GTF3C1: variants seen among roughly 807,000 people sequenced by gnomAD.
GTF3C1 encodes the protein general transcription factor 3C polypeptide 1.
In GTF3C1, 57 loss-of-function variants were observed where a neutral mutation model predicts 226.7. The ratio of observed to expected loss-of-function variants is 0.25; its 90% CI spans 0.20 to 0.31. GTF3C1 has a LOEUF of 0.31. Among genes scored for constraint, GTF3C1 ranks in the 10% least tolerant of loss-of-function variants. The pLI, the probability that GTF3C1 is intolerant of heterozygous loss-of-function variation, is 1.00. For synonymous variants in GTF3C1, 1,090 were observed against 1,084.8 expected (o/e 1.00, Z -0.09); for missense variants, 2,217 against 2,776.1 (o/e 0.80, Z 4.53).
chr16:27,522,113 TTTA>T (rs766101605), intron 6 of GTF3C1, among the ~76,000 whole-genome samples: 50 of 152,260 alleles, frequency 3.3e-4, no homozygotes, highest in Admixed American at 1.4e-3. Flanking sequence ...TTTTAATAGC[TTTA>T]TTGAGATATA....
Position 27,464,448 on chromosome 16 carries a change from G to C in GTF3C1, c.5744C>G (p.Ala1915Gly), listed in dbSNP as rs2087752170. 8 of 1,600,208 alleles carry C rather than the reference G, an allele frequency of 5.0e-6. No homozygotes were observed. Among genetic ancestry groups the C allele is most frequent in the Non-Finnish European group, 6.8e-6 (8 of 1,173,748 alleles). Reference protein sequence around the residue: ...AEAQAPSPPPALEDTAAAGAA... With the variant: ...AEAQAPSPPPGLEDTAAAGAA... Reference sequence around the variant, plus strand: ...TCCCGCTGCAGCGGTGTCTTCAAGAGCTGGGGGTGGAGATGGGGCCTGGGC... The same window carrying C: ...TCCCGCTGCAGCGGTGTCTTCAAGACCTGGGGGTGGAGATGGGGCCTGGGC... The change falls in exon 34 of 37, where the codon GCT becomes GGT. Residue 1915 changes from alanine to glycine, a missense_variant. This residue lies in a region of GTF3C1 where 455 missense variants were observed against 441.9 expected (regional missense o/e 1.03). Coordinates refer to ENST00000356183, the MANE Select transcript of GTF3C1 (RefSeq NM_001520.4).
chr16:27,489,236 G>T lies in GTF3C1; in HGVS notation c.3294-58C>A. The T allele has an allele frequency of 3.2e-6, 5 of 1,585,338 alleles. No individual in the cohort carries two copies. The South Asian group carries it at 5.5e-5, about 18-fold the overall frequency. ...TTCTTGGTCATCACCGAAAAAGAGAGCCCATGGCATGGGTTGAGGGACATT... is the reference window on the plus strand; with the variant it reads ...TTCTTGGTCATCACCGAAAAAGAGATCCCATGGCATGGGTTGAGGGACATT... On this transcript the variant is annotated intron_variant, in intron 20 of 36. Transcript: ENST00000356183.
Position 27,465,500 on chromosome 16 carries a change from G to A in GTF3C1, c.5115C>T (p.Leu1705=), listed in dbSNP as rs766780120. The change falls in exon 33 of 37, where the codon CTC becomes CTT. Residue 1705 remains leucine, a synonymous_variant. Coordinates refer to ENST00000356183, the MANE Select transcript of GTF3C1 (RefSeq NM_001520.4). ...LEELTMGTSC[L]PDTFTKLINP... is the part of the protein sequence containing the mutation. ...TTATCAGCTTGGTGAACGTATCAGG[G>A]AGGCAGGAGGTTCCCATTGTTAGCT... 6.2e-7 allele frequency: 1 copy of A among 1,603,224 alleles called. No individual in the cohort carries two copies. Among genetic ancestry groups the A allele is most frequent in the Non-Finnish European group, 8.5e-7 (1 of 1,179,686 alleles).
chr16:27,493,261 C>T lies in GTF3C1; in HGVS notation c.2814G>A (p.Leu938=). ...DNLEEFLNDP[L]KKHTLIRFLP... ...GAAAGCGGATCAGCGTGTGCTTCTT[C>T]AGCGGGTCGTTCAGAAATTCCTCCA... The change falls in exon 17 of 37, where the codon CTG becomes CTA. Residue 938 remains leucine (L), a synonymous_variant. Coordinates refer to ENST00000356183, the MANE Select transcript of GTF3C1 (RefSeq NM_001520.4). 6.2e-7 allele frequency: 1 copy of T among 1,611,750 alleles called. No individual in the cohort carries two copies. The highest frequency in any genetic ancestry group is 1.1e-5 in the South Asian group (1 of 91,024).
At chr16:27,539,795 A>G (rs9933281) in intron 2 of GTF3C1, among the ~76,000 whole-genome samples, 127,317 of 152,232 alleles carry the variant, frequency 0.84, 53,393 homozygotes, top group East Asian at 1. Context: ...TAGTTATCTC[A>G]GGAGTGGGAC....
In GTF3C1 at chr16:27,469,039, G is replaced by A. The variant is rs2087825659; in HGVS notation, c.5074+252C>T. Among the ~76,000 whole-genome samples, 1 of 152,226 alleles carries A rather than the reference G, an allele frequency of 6.6e-6. No homozygotes were observed. The highest frequency in any genetic ancestry group is 2.4e-5 in the African/African-American group (1 of 41,472). ...TTGTGAGCCCACCTGAGTGACTGCT[G>A]GTGCCTGCAGCACAGCTGTGACTAA... On this transcript the variant is annotated intron_variant, in intron 32 of 36. Coordinates refer to ENST00000356183, the MANE Select transcript of GTF3C1 (RefSeq NM_001520.4). The surrounding 1 kb of genome is among the most constrained non-coding windows in gnomAD (Gnocchi z 4.5).
intron 2 of GTF3C1, among the ~76,000 whole-genome samples, chr16:27,543,044 T>C (rs2089111584): frequency 6.6e-6 from 1 of 152,120 alleles, no homozygotes; most frequent in African/African-American, 2.4e-5. Flanking sequence ...CATATGCCGC[T>C]TGGGAGAGAG....
At chr16:27,475,965 C>T (rs2087945035) in intron 29 of GTF3C1, among the ~76,000 whole-genome samples, 1 of 152,138 alleles carries the variant, frequency 6.6e-6, no homozygotes, top group Non-Finnish European at 1.5e-5. Context: ...TTGTGGAGGT[C>T]ACTAGATCCC....
In GTF3C1 at chr16:27,483,085, C is replaced by T. The variant is rs138892917; in HGVS notation, c.4042G>A (p.Gly1348Arg). 35 of 1,614,098 alleles carry T rather than the reference C, an allele frequency of 2.2e-5. No individual in the cohort carries two copies. Among genetic ancestry groups the T allele is most frequent in the Non-Finnish European group, 2.8e-5 (33 of 1,180,048 alleles). The change falls in exon 26 of 37, where the codon GGA becomes AGA. Residue 1348 changes from glycine to arginine, a missense_variant. Physicochemically the swap from Gly to Arg is moderately radical, Grantham distance 125. Around this residue, in one of 12 missense-constraint regions of GTF3C1, gnomAD observed 546 missense variants for 663.0 expected, o/e 0.82. Coordinates refer to ENST00000356183, the MANE Select transcript of GTF3C1 (RefSeq NM_001520.4). ...TCACCTCTTCGATTCATGAAATCTC[C>T]AACAAGTGCTTTATCCTGGTACACC... ...AEVYQDKALV[G>R]DFMNRRGDYD...
At chr16:27,480,384 T>C (rs1395000004) in intron 27 of GTF3C1, among the ~76,000 whole-genome samples, 2 of 152,146 alleles carry the variant, frequency 1.3e-5, no homozygotes, top group Non-Finnish European at 1.5e-5. Context: ...ATATCAACTC[T>C]GAAAACGAGT....
At chr16:27,528,193 T>C (rs1567411152) in intron 6 of GTF3C1, among the ~76,000 whole-genome samples, 1 of 152,116 alleles carries the variant, frequency 6.6e-6, no homozygotes, top group Non-Finnish European at 1.5e-5. Flanking sequence ...GAGAATTGCT[T>C]GAACCCGAAA....
At chr16:27,503,717 T>A (rs774391796) in intron 10 of GTF3C1, among the ~76,000 whole-genome samples, 5 of 152,248 alleles carry the variant, frequency 3.3e-5, no homozygotes, top group Non-Finnish European at 7.3e-5. Flanking sequence ...TGGATCAAAA[T>A]GTGAAAGCCC....
chr16:27,492,200 G>A lies in GTF3C1; in HGVS notation c.3151+138C>T. On this transcript the variant is annotated intron_variant, in intron 19 of 36. Transcript: ENST00000356183. The surrounding 1 kb of genome is among the most constrained non-coding windows in gnomAD (Gnocchi z 5.0). ...CTTTCCTTTCCAAGGGAGCCCCAGG[G>A]GTGCTCTGGGCCTCTGGGGAGCACT... 1.7e-6 allele frequency: 1 copy of A among 603,714 alleles called. No homozygotes were observed. The highest frequency in any genetic ancestry group is 2.9e-6 in the Non-Finnish European group (1 of 340,542). 37.4% of individuals were successfully genotyped at this position (603,714 alleles called of 1,614,324 possible).
Position 27,464,796 on chromosome 16 carries a change from T to C in GTF3C1, c.5396A>G (p.Asn1799Ser). The change falls in exon 34 of 37, where the codon AAC becomes AGC. Residue 1799 changes from asparagine to serine, a missense_variant. Asn to Ser is a conservative substitution (Grantham distance 46, BLOSUM62 1). Coordinates refer to ENST00000356183, the MANE Select transcript of GTF3C1 (RefSeq NM_001520.4). ...EQHQVLEVGG[N>S]TARLVAMGSA... Reference sequence around the variant, plus strand: ...GCCCATGGCTACCAGGCGCGCAGTGTTGCCACCGACCTCCAGCACCTGATG... The same window carrying C: ...GCCCATGGCTACCAGGCGCGCAGTGCTGCCACCGACCTCCAGCACCTGATG... 6.5e-7 allele frequency: 1 copy of C among 1,530,892 alleles called. No individual in the cohort carries two copies. The highest frequency in any genetic ancestry group is 8.7e-7 in the Non-Finnish European group (1 of 1,150,596). The allele number at this position is 1,530,892 out of a possible 1,614,324, so 94.8% of individuals were successfully genotyped here.
rs1162033991 is a variant in GTF3C1 at position 27,529,136 on chromosome 16, GA to G, written c.850-416del. ...CATGGGCAGGAGAGAAAAAAAAGGG[GA>G]AAAAATAGGTTAAAAAATTTTACAG... On this transcript the variant is annotated intron_variant, in intron 5 of 36. Coordinates refer to ENST00000356183, the MANE Select transcript of GTF3C1 (RefSeq NM_001520.4). Among the ~76,000 whole-genome samples, 15 of 152,220 alleles carry G rather than the reference GA, an allele frequency of 9.9e-5. No individual in the cohort carries two copies. The South Asian group carries it at 1.5e-3, about 15-fold the overall frequency.
chr16:27,461,498 A>G lies in GTF3C1; in HGVS notation c.6182T>C (p.Phe2061Ser), dbSNP rs781337887. Reference sequence around the variant, plus strand: ...CACCTCTTCCACCACGGGTGTAGAGAAGAGCGAGACAGGCCTTGGCTTTCT... The same window carrying G: ...CACCTCTTCCACCACGGGTGTAGAGGAGAGCGAGACAGGCCTTGGCTTTCT... The part of the protein sequence containing the change: ...WLRKPRPVSL[F>S]STPVVEEVEV... The change falls in exon 37 of 37, where the codon TTC (phenylalanine) becomes TCC (serine). Residue 2061 changes from phenylalanine (F) to serine (S), a missense_variant. Transcript: ENST00000356183. The surrounding 1 kb of genome is among the most constrained non-coding windows in gnomAD (Gnocchi z 5.3). 1.2e-6 allele frequency: 2 copies of G among 1,613,982 alleles called. No individual in the cohort carries two copies. Among genetic ancestry groups the G allele is most frequent in the South Asian group, 1.1e-5 (1 of 91,078 alleles).
At chr16:27,514,200 AGGCAATCTAAGGCCCC>A (rs2088619653) in intron 6 of GTF3C1, among the ~76,000 whole-genome samples, 1 of 152,146 alleles carries the variant, frequency 6.6e-6, no homozygotes, top group African/African-American at 2.4e-5. Flanking sequence ...TTTTCATTAG[AGGCAATCTAAGGCCCC>A]GGCGCAAGCC....
rs532019174 is a variant in GTF3C1 at position 27,530,525 on chromosome 16, T to C, written c.850-1804A>G. 1.1e-4 allele frequency among the ~76,000 whole-genome samples: 16 copies of C among 152,250 alleles called. No homozygotes were observed. The South Asian group carries it at 3.3e-3, about 32-fold the overall frequency. On this transcript the variant is annotated intron_variant, in intron 5 of 36. Transcript: ENST00000356183. Reference sequence around the variant, plus strand: ...AAATCCCCCCAAAAGGCAGCATCCATATTCATGGCCTCAGCTTCATCTATA... The same window carrying C: ...AAATCCCCCCAAAAGGCAGCATCCACATTCATGGCCTCAGCTTCATCTATA...
At chr16:27,540,852 T>C (rs956970568) in intron 2 of GTF3C1, among the ~76,000 whole-genome samples, 7 of 148,758 alleles carry the variant, frequency 4.7e-5, no homozygotes, top group African/African-American at 1.7e-4. Context: ...TCTTTTTTTC[T>C]TTTTTTTTTG....
Sources: allele counts gnomAD v4.1 joint callset (sites outside exome capture counted in the v4.1 genomes callset), GRCh38; gene constraint gnomAD v4.1.1; regional missense constraint gnomAD v4.1.1; non-coding constraint Gnocchi (gnomAD v3.1); transcripts MANE v1.5; gene names NCBI Gene and HGNC (gene_info 2026-07-23, HGNC 2026-07-21).